SH2D4A: variants seen among roughly 807,000 people sequenced by gnomAD.
SH2D4A encodes SH2 domain-containing protein 4A.
Under a neutral mutation model 64.7 loss-of-function variants are expected in SH2D4A, and 70 were observed. The ratio of observed to expected loss-of-function variants is 1.08; its 90% confidence interval spans 0.89 to 1.32. SH2D4A has a LOEUF of 1.32. Among genes scored for constraint, SH2D4A ranks in the 40% most tolerant of loss-of-function variants. The pLI is 0.00. For synonymous variants in SH2D4A, 268 were observed against 200.7 expected, an observed-to-expected ratio of 1.34 and a Z score of -2.83; for missense variants, 706 against 540.1, an observed-to-expected ratio of 1.31 and a Z score of -3.04.
At chr8:19,363,399 C>A (rs1482692116) in intron 6 of SH2D4A, among the ~76,000 whole-genome samples, 1 of 152,078 alleles carries the variant, frequency 6.6e-6, no homozygotes, top group Non-Finnish European at 1.5e-5. Flanking sequence ...TATTTAGACA[C>A]ACAAATACTC....
At chr8:19,314,026 G>A in intron 1 of SH2D4A, 1 of 1,163,288 alleles carries the variant, frequency 8.6e-7, no homozygotes, top group Non-Finnish European at 1.0e-6. Context: ...GAGCGGCCGC[G>A]GCGGGTGTCC....
At position 19,372,495 on chromosome 8, in the gene SH2D4A, C is replaced by G. The variant is rs555880768; in HGVS notation, c.918-1035C>G. ...GCTTTAGTGGTGGGAGGGGATGGAG[C>G]TGATATTGGACCCCATCAGCATCTG... On this transcript the variant is annotated intron_variant, in intron 7 of 9. Coordinates refer to ENST00000265807, the MANE Select transcript of SH2D4A (RefSeq NM_022071.4). Among the ~76,000 whole-genome samples the G allele has an allele frequency of 3.7e-4, 56 of 152,228 alleles. 1 individual carries two copies. The highest frequency in any genetic ancestry group is 1.3e-3 in the African/African-American group (56 of 41,542).
intron 4 of SH2D4A, among the ~76,000 whole-genome samples, chr8:19,353,853 G>C (rs1003552227): frequency 4.6e-5 from 7 of 151,814 alleles, no homozygotes; most frequent in Non-Finnish European, 8.8e-5. Flanking sequence ...CAAAATCTTG[G>C]TTCACCTTGA....
intron 5 of SH2D4A, 147 bp downstream of exon 5, chr8:19,357,430 C>A: frequency 1.5e-6 from 1 of 659,966 alleles, no homozygotes; most frequent in Non-Finnish European, 2.6e-6. Flanking sequence ...CACAGTTCTG[C>A]ATCTTTACCC....
At chr8:19,314,287 G>T (rs2052047742) in intron 1 of SH2D4A, among the ~76,000 whole-genome samples, 1 of 152,264 alleles carries the variant, frequency 6.6e-6, no homozygotes, top group South Asian at 2.1e-4. Flanking sequence ...GCACGTCCTC[G>T]ACTTGCGCAT....
chr8:19,328,827 C>T (rs1359226955), intron 2 of SH2D4A, among the ~76,000 whole-genome samples: 3 of 152,216 alleles, frequency 2.0e-5, no homozygotes, highest in Non-Finnish European at 1.5e-5. Context: ...CCTCTGTTTA[C>T]TATAGAAGGA....
rs761883801 is a variant in SH2D4A, at chr8:19,364,046, T to A, written c.707-26T>A. 2.0e-5 allele frequency: 32 copies of A among 1,612,810 alleles called. No homozygotes were observed. The South Asian group carries it at 3.4e-4, about 17-fold the overall frequency. On this transcript the variant is annotated intron_variant, in intron 6 of 9. Coordinates refer to ENST00000265807, the MANE Select transcript of SH2D4A (RefSeq NM_022071.4). ...ACCTGCTCTGTGGGCTGATGAGGGT[T>A]TTCTCCGACCCCGTTGTTTTTCCAG...
At chr8:19,340,891 C>G (rs891431165) in intron 4 of SH2D4A, among the ~76,000 whole-genome samples, 1 of 152,144 alleles carries the variant, frequency 6.6e-6, no homozygotes, top group Non-Finnish European at 1.5e-5. Context: ...AGCCACTGCA[C>G]CCAGTCAGGC....
intron 8 of SH2D4A, among the ~76,000 whole-genome samples, chr8:19,383,383 T>G (rs2053332042): frequency 6.6e-6 from 1 of 151,782 alleles, no homozygotes; most frequent in African/African-American, 2.4e-5. Flanking sequence ...AGTTCTAGGA[T>G]TTGTTCTTGG....
At chr8:19,363,198 C>T (rs2052923856) in intron 6 of SH2D4A, among the ~76,000 whole-genome samples, 1 of 152,160 alleles carries the variant, frequency 6.6e-6, no homozygotes, top group Non-Finnish European at 1.5e-5. Flanking sequence ...GCCTCAGCCT[C>T]CCCAGTAGCT....
intron 7 of SH2D4A, among the ~76,000 whole-genome samples, chr8:19,372,432 C>A (rs182058903): frequency 5.9e-4 from 90 of 152,292 alleles, no homozygotes; most frequent in Admixed American, 1.2e-3. Flanking sequence ...ACAAGTGTGT[C>A]TCCTAGTGCA....
At chr8:19,363,862 C>T in intron 6 of SH2D4A, 1 of 578,216 alleles carries the variant, frequency 1.7e-6, no homozygotes, top group Non-Finnish European at 3.1e-6. Context: ...AGAAAACCCC[C>T]AGTCCTGTAT....
At chr8:19,326,261 A>T (rs1014946294) in intron 2 of SH2D4A, among the ~76,000 whole-genome samples, 2 of 152,222 alleles carry the variant, frequency 1.3e-5, no homozygotes, top group African/African-American at 4.8e-5. Context: ...CAGATAGGGC[A>T]TGGGCATCAA....
At chr8:19,314,043 CGGTGT>C (rs1357508109) in intron 1 of SH2D4A, 1 of 1,041,972 alleles carries the variant, frequency 9.6e-7, no homozygotes, top group East Asian at 7.2e-5. Flanking sequence ...GTCCGGTGTC[CGGTGT>C]CCGGTGTCCG....
intron 7 of SH2D4A, among the ~76,000 whole-genome samples, chr8:19,368,578 G>GTTATT (rs201550552): frequency 2.1e-5 from 3 of 142,992 alleles, no homozygotes; most frequent in African/African-American, 7.6e-5. Context: ...TTTATTCCTA[G>GTTATT]TTATTTTATT....
intron 2 of SH2D4A, among the ~76,000 whole-genome samples, chr8:19,327,830 C>G (rs950928614): frequency 6.6e-6 from 1 of 152,170 alleles, no homozygotes; most frequent in African/African-American, 2.4e-5. Flanking sequence ...CGCTGACTGC[C>G]GACACCAGTT....
intron 4 of SH2D4A, among the ~76,000 whole-genome samples, chr8:19,347,954 A>C (rs1001430429): frequency 6.6e-6 from 1 of 152,092 alleles, no homozygotes; most frequent in Non-Finnish European, 1.5e-5. Context: ...TGCTTTCCAC[A>C]CTGCCCCAAG....
At chr8:19,362,740 AAAAAC>A (rs888781113) in intron 6 of SH2D4A, among the ~76,000 whole-genome samples, 2 of 152,174 alleles carry the variant, frequency 1.3e-5, no homozygotes, top group Admixed American at 6.6e-5. Flanking sequence ...ACTGAGTCTC[AAAAAC>A]AAAACAAAAC....
intron 1 of SH2D4A, among the ~76,000 whole-genome samples, chr8:19,314,561 T>C (rs758102004): frequency 1.3e-5 from 2 of 152,112 alleles, no homozygotes; most frequent in Non-Finnish European, 2.9e-5. Context: ...AGCTACAGTT[T>C]GTAGGTTTTC....
Sources: gnomAD v4.1 joint callset for allele counts (sites outside exome capture counted in the v4.1 genomes callset) on GRCh38, gnomAD v4.1.1 for gene constraint, MANE v1.5 for transcripts, NCBI Gene and HGNC (gene_info 2026-07-23, HGNC 2026-07-21) for gene names.